Variants in CACNB2 observed in about 807,000 individuals in gnomAD.
The protein encoded by CACNB2 is calcium voltage-gated channel auxiliary subunit beta 2.
Under a neutral mutation model 73.3 loss-of-function variants are expected in CACNB2, and 42 were observed. The ratio of observed to expected loss-of-function variants is 0.57; its 90% confidence interval spans 0.45 to 0.74. The LOEUF is 0.74. Among genes scored for constraint, CACNB2 ranks in the 30% least tolerant of loss-of-function variants. CACNB2 has a pLI of 0.00. For missense variants in CACNB2, 940 were observed against 853.0 expected, an observed-to-expected ratio of 1.10 and a Z score of -1.27; for synonymous variants, 348 against 310.3, an observed-to-expected ratio of 1.12 and a Z score of -1.28.
chr10:18,405,610 T>C (rs1334031840), intron 3 of CACNB2, among the ~76,000 whole-genome samples: 1 of 152,146 alleles, frequency 6.6e-6, no homozygotes, highest in Admixed American at 6.6e-5. Context: ...TTCTGCCCTA[T>C]ATACAGGGAC....
intron 2 of CACNB2, among the ~76,000 whole-genome samples, chr10:18,164,939 T>A (rs1017109272): frequency 6.6e-6 from 1 of 152,226 alleles, no homozygotes. Context: ...CATTCATTTA[T>A]TCATTCATTT....
intron 2 of CACNB2, among the ~76,000 whole-genome samples, chr10:18,249,996 C>G (rs1564376224): frequency 1.3e-5 from 2 of 152,166 alleles, no homozygotes; most frequent in Admixed American, 6.5e-5. Context: ...TCCAACTGGA[C>G]TCATTCTTGG....
In CACNB2 at chr10:18,286,670, T is replaced by A. The variant is rs189718695; in HGVS notation, c.214-115254T>A. 1.7e-3 allele frequency among the ~76,000 whole-genome samples: 257 copies of A among 152,284 alleles called. 1 individual carries two copies. Among genetic ancestry groups the A allele is most frequent in the African/African-American group, 5.9e-3 (247 of 41,568 alleles). Reference sequence around the variant, plus strand: ...GCAAATTGCAATTCTCTATGAATAATTCAGTGTGTATATAATTAGCTGGAA... The same window carrying A: ...GCAAATTGCAATTCTCTATGAATAAATCAGTGTGTATATAATTAGCTGGAA... On this transcript the variant is annotated intron_variant, in intron 2 of 13. Transcript: ENST00000324631.
chr10:18,213,617 A>G lies in CACNB2; in HGVS notation c.213+62642A>G, dbSNP rs527353858. 5.3e-5 allele frequency among the ~76,000 whole-genome samples: 8 copies of G among 152,320 alleles called. No individual in the cohort carries two copies. The East Asian group carries it at 1.2e-3, about 22-fold the overall frequency. ...AAGCACTTTAGTAAAACTCTCTACT[A>G]CTAGAAATGTGTTTAACATTATTGG... is the stretch of plus-strand genomic sequence containing the variant. On this transcript the variant is annotated intron_variant, in intron 2 of 13. Transcript: ENST00000324631.
At chr10:18,408,422 A>G (rs1767226249) in intron 3 of CACNB2, among the ~76,000 whole-genome samples, 2 of 151,756 alleles carry the variant, frequency 1.3e-5, no homozygotes, top group South Asian at 4.2e-4. Flanking sequence ...TATTTTTAAT[A>G]GAGACAGAGT....
At chr10:18,423,036 A>G (rs11817436) in intron 3 of CACNB2, among the ~76,000 whole-genome samples, 92 of 152,322 alleles carry the variant, frequency 6.0e-4, no homozygotes, top group African/African-American at 2.2e-3. Flanking sequence ...GGCATAATAA[A>G]TATGTGTGGA....
At chr10:18,351,481 G>A (rs994556771) in intron 2 of CACNB2, among the ~76,000 whole-genome samples, 2 of 152,174 alleles carry the variant, frequency 1.3e-5, no homozygotes, top group African/African-American at 4.8e-5. Flanking sequence ...TGGGTGAGAT[G>A]ATGAACTGGA....
chr10:18,287,944 C>T (rs1044096173), intron 2 of CACNB2, among the ~76,000 whole-genome samples: 1 of 152,198 alleles, frequency 6.6e-6, no homozygotes, highest in African/African-American at 2.4e-5. Context: ...ACTCCAGCTT[C>T]TGGTGTTTGC....
intron 6 of CACNB2, among the ~76,000 whole-genome samples, chr10:18,511,618 T>C (rs1388006967): frequency 6.6e-6 from 1 of 152,220 alleles, no homozygotes; most frequent in Non-Finnish European, 1.5e-5. Flanking sequence ...AGCTAACATG[T>C]ATAATATGAT....
intron 10 of CACNB2, among the ~76,000 whole-genome samples, chr10:18,532,702 C>A (rs201723878): frequency 0.043 from 1,872 of 43,926 alleles, 8 homozygotes; most frequent in East Asian, 0.094. Context: ...AAAAACAAAA[C>A]AAAAAAACAA....
rs951312759 is a variant in CACNB2, at chr10:18,383,418, G to A, written c.214-18506G>A. On this transcript the variant is annotated intron_variant, in intron 2 of 13. Coordinates refer to ENST00000324631, the MANE Select transcript of CACNB2 (RefSeq NM_201596.3). ...TTACAAAGGCACCGTAAGAGTCTACGCAGTACAGGTGAGTGACTTGACTAG... is the reference window on the plus strand; with the variant it reads ...TTACAAAGGCACCGTAAGAGTCTACACAGTACAGGTGAGTGACTTGACTAG... Among the ~76,000 whole-genome samples the A allele has an allele frequency of 1.5e-4, 23 of 152,314 alleles. No homozygotes were observed. In the East Asian group the frequency reaches 3.7e-3, roughly 24 times the overall value.
chr10:18,263,629 C>T (rs2037657133), intron 2 of CACNB2, among the ~76,000 whole-genome samples: 1 of 152,154 alleles, frequency 6.6e-6, no homozygotes. Flanking sequence ...AAGAATTCCT[C>T]CTACTCAAAC....
At chr10:18,490,598 G>A (rs2049353288) in intron 3 of CACNB2, among the ~76,000 whole-genome samples, 1 of 152,108 alleles carries the variant, frequency 6.6e-6, no homozygotes, top group Non-Finnish European at 1.5e-5. Flanking sequence ...TGTTAATAGA[G>A]GTTGAGTGAA....
intron 2 of CACNB2, among the ~76,000 whole-genome samples, chr10:18,307,034 A>G (rs1172681350): frequency 6.6e-6 from 1 of 152,168 alleles, no homozygotes; most frequent in African/African-American, 2.4e-5. Context: ...AGGAAAGACA[A>G]GGTCCAAGGG....
chr10:18,362,224 T>C (rs2042171764), intron 2 of CACNB2, among the ~76,000 whole-genome samples: 1 of 152,210 alleles, frequency 6.6e-6, no homozygotes, highest in Non-Finnish European at 1.5e-5. Flanking sequence ...AGCCATATTG[T>C]TTTTCTTGTT....
intron 2 of CACNB2, among the ~76,000 whole-genome samples, chr10:18,177,133 G>C (rs868198062): frequency 1.3e-5 from 2 of 152,112 alleles, no homozygotes; most frequent in African/African-American, 4.8e-5. Context: ...GTGCCTGTTA[G>C]AGTCCTACAG....
At position 18,163,921 on chromosome 10, in the gene CACNB2, G is replaced by A. The variant is rs540118309; in HGVS notation, c.213+12946G>A. ...GAAGCAGTGCTTTCACTCATCCTAAGGCAGAGTGGAATTGTGGGAAGGGGA... is the reference window on the plus strand; with the variant it reads ...GAAGCAGTGCTTTCACTCATCCTAAAGCAGAGTGGAATTGTGGGAAGGGGA... On this transcript the variant is annotated intron_variant, in intron 2 of 13. Coordinates refer to ENST00000324631, the MANE Select transcript of CACNB2 (RefSeq NM_201596.3). Among the ~76,000 whole-genome samples the A allele has an allele frequency of 2.6e-5, 4 of 152,260 alleles. No homozygotes were observed. In the East Asian group the frequency reaches 7.7e-4, roughly 29 times the overall value.
chr10:18,188,706 A>G (rs999829494), intron 2 of CACNB2, among the ~76,000 whole-genome samples: 1 of 152,208 alleles, frequency 6.6e-6, no homozygotes, highest in African/African-American at 2.4e-5. Flanking sequence ...AAAATTTTCA[A>G]TCTTATAATG....
At chr10:18,353,934 A>G (rs980160879) in intron 2 of CACNB2, among the ~76,000 whole-genome samples, 3 of 152,210 alleles carry the variant, frequency 2.0e-5, no homozygotes, top group Non-Finnish European at 4.4e-5. Context: ...CATTGGGCAA[A>G]CTCATATTCT....
Sources: gnomAD v4.1 joint callset for allele counts (sites outside exome capture counted in the v4.1 genomes callset) on GRCh38, gnomAD v4.1.1 for gene constraint, MANE v1.5 for transcripts, NCBI Gene and HGNC (gene_info 2026-07-23, HGNC 2026-07-21) for gene names.